RIMS2: variants seen among roughly 807,000 people sequenced by gnomAD.
RIMS2 encodes the protein regulating synaptic membrane exocytosis protein 2.
RIMS2 carries 59 observed loss-of-function variants against 174.4 expected under a neutral mutation model. The ratio of observed to expected loss-of-function variants is 0.34; its 90% CI spans 0.27 to 0.42. The LOEUF is 0.42. Among genes scored for constraint, RIMS2 ranks in the 10% least tolerant of loss-of-function variants. The probability of loss-of-function intolerance (pLI) is 1.00; values close to 1 mark genes in which losing one functional copy is unlikely to be tolerated. For missense variants in RIMS2, 1,620 were observed against 1,666.3 expected (o/e 0.97, Z 0.48); for synonymous variants, 606 against 572.5 (o/e 1.06, Z -0.84).
At chr8:103,720,294 A>G (rs894069882) in intron 2 of RIMS2, among the ~76,000 whole-genome samples, 8 of 151,470 alleles carry the variant, frequency 5.3e-5, no homozygotes, top group Admixed American at 5.3e-4. Context: ...ATTCTCATAT[A>G]GAGTTGCAAT....
At chr8:103,766,355 TGAG>T (rs2098171136) in exon 3 of RIMS2, 1 of 1,613,698 alleles carries the variant, frequency 6.2e-7, no homozygotes, top group African/African-American at 1.3e-5. Flanking sequence ...GGCTAAGAAA[TGAG>T]GAGGCACCTC....
intron 2 of RIMS2, among the ~76,000 whole-genome samples, chr8:103,703,022 C>T (rs1192119654): frequency 2.7e-5 from 4 of 149,246 alleles, no homozygotes; most frequent in Admixed American, 6.7e-5. Context: ...CAGTTTGTCA[C>T]CCAGGCTGGA....
exon 4 of RIMS2, chr8:103,885,459 A>G: frequency 6.2e-7 from 1 of 1,612,652 alleles, no homozygotes; most frequent in Non-Finnish European, 8.5e-7. Flanking sequence ...TTTTATGAAG[A>G]CTCTGATCAT....
chr8:103,955,549 AC>A (rs2086875102), intron 14 of RIMS2, among the ~76,000 whole-genome samples: 1 of 152,124 alleles, frequency 6.6e-6, no homozygotes, highest in African/African-American at 2.4e-5. Context: ...AAAATTCAAC[AC>A]CCCTTCATGC....
intron 1 of RIMS2, among the ~76,000 whole-genome samples, chr8:103,681,187 A>G (rs551017546): frequency 2.6e-5 from 4 of 152,150 alleles, no homozygotes; most frequent in South Asian, 4.1e-4. Context: ...TTTGGCTTTT[A>G]CCATTTACCA....
intron 1 of RIMS2, among the ~76,000 whole-genome samples, chr8:103,666,753 C>A (rs750318147): frequency 1.3e-5 from 2 of 152,118 alleles, no homozygotes; most frequent in Non-Finnish European, 2.9e-5. Flanking sequence ...ACAATGACCT[C>A]CCATAATTTT....
At chr8:103,689,631 A>G (rs935767355) in intron 1 of RIMS2, among the ~76,000 whole-genome samples, 1 of 152,012 alleles carries the variant, frequency 6.6e-6, no homozygotes, top group African/African-American at 2.4e-5. Flanking sequence ...TTCTTTTTAT[A>G]ATTTTTGTCT....
At chr8:103,982,897 C>T (rs890651182) in intron 16 of RIMS2, among the ~76,000 whole-genome samples, 2 of 152,170 alleles carry the variant, frequency 1.3e-5, no homozygotes, top group Non-Finnish European at 2.9e-5. Flanking sequence ...GAAGTCCTAA[C>T]TAGTGCAATC....
At chr8:103,714,284 C>T (rs2138109390) in intron 2 of RIMS2, among the ~76,000 whole-genome samples, 1 of 152,218 alleles carries the variant, frequency 6.6e-6, no homozygotes, top group Middle Eastern at 3.4e-3. Context: ...TGCTGTAGCT[C>T]AGCACTGTGA....
At chr8:103,976,522 A>C (rs2093436060) in intron 16 of RIMS2, 1 of 139,832 alleles carries the variant, frequency 7.2e-6, no homozygotes, top group Admixed American at 6.9e-5. Context: ...CAGAATACTA[A>C]TTTTTTTCTT....
chr8:103,795,461 A>T (rs1018483493), intron 3 of RIMS2, among the ~76,000 whole-genome samples: 1 of 152,108 alleles, frequency 6.6e-6, no homozygotes, highest in Admixed American at 6.5e-5. Flanking sequence ...GAGGGATAGC[A>T]TTAGGACATA....
At chr8:103,876,866 A>ATATATATATG (rs1176052478) in intron 3 of RIMS2, among the ~76,000 whole-genome samples, 1 of 18,796 alleles carries the variant, frequency 5.3e-5, no homozygotes, top group Non-Finnish European at 9.1e-5. Context: ...ACACTATTTT[A>ATATATATATG]TATATATATA....
intron 19 of RIMS2, among the ~76,000 whole-genome samples, chr8:104,202,828 C>T (rs2099061587): frequency 6.6e-6 from 1 of 152,174 alleles, no homozygotes; most frequent in Admixed American, 6.6e-5. Context: ...TGGAGGAACA[C>T]TGTTTAATCC....
At chr8:104,063,860 G>A (rs1485983920) in intron 19 of RIMS2, among the ~76,000 whole-genome samples, 2 of 152,126 alleles carry the variant, frequency 1.3e-5, no homozygotes, top group African/African-American at 2.4e-5. Context: ...GACTCCAGGG[G>A]CATGCTCATG....
intron 17 of RIMS2, among the ~76,000 whole-genome samples, chr8:104,012,492 A>G (rs56086734): frequency 0.13 from 19,434 of 151,904 alleles, 1,697 homozygotes; most frequent in Non-Finnish European, 0.19. Flanking sequence ...TTATATAAGC[A>G]TTTCCATTTT....
chr8:103,613,502 A>G (rs1221507872), intron 1 of RIMS2, among the ~76,000 whole-genome samples: 1 of 152,198 alleles, frequency 6.6e-6, no homozygotes, highest in Non-Finnish European at 1.5e-5. Flanking sequence ...CCAAGAGCCT[A>G]AGCCTGGGCT....
chr8:104,171,728 A>G (rs1412460738), intron 19 of RIMS2, among the ~76,000 whole-genome samples: 1 of 152,046 alleles, frequency 6.6e-6, no homozygotes, highest in Non-Finnish European at 1.5e-5. Context: ...TTCTCATATT[A>G]CCAGAATCAC....
chr8:104,105,890 T>A (rs953804394), intron 19 of RIMS2, among the ~76,000 whole-genome samples: 9 of 150,694 alleles, frequency 6.0e-5, no homozygotes, highest in Non-Finnish European at 8.9e-5. Context: ...TACAAAAAAA[T>A]TTAGCTGGGC....
chr8:104,052,290 A>C (rs1335783243), intron 19 of RIMS2, among the ~76,000 whole-genome samples: 1 of 152,186 alleles, frequency 6.6e-6, no homozygotes, highest in Non-Finnish European at 1.5e-5. Flanking sequence ...AAAATATAGA[A>C]AATTAAAATG....
Sources: allele counts gnomAD v4.1 joint callset (sites outside exome capture counted in the v4.1 genomes callset), GRCh38; gene constraint gnomAD v4.1.1; transcripts MANE v1.5; gene names NCBI Gene and HGNC (gene_info 2026-07-23, HGNC 2026-07-21).